CCDC30: variants seen among roughly 807,000 people sequenced by gnomAD.
CCDC30 encodes coiled-coil domain-containing protein 30.
CCDC30 carries 70 observed loss-of-function variants against 100.2 expected under a neutral mutation model. That is an observed-to-expected ratio of 0.70 (90% CI 0.58 to 0.85). The LOEUF (loss-of-function observed/expected upper bound fraction) is 0.85. Ranked by LOEUF, CCDC30 falls within the 40% of genes least tolerant of loss-of-function variation. The pLI, the probability that CCDC30 is intolerant of heterozygous loss-of-function variation, is 0.00. For missense variants in CCDC30, 652 were observed against 771.2 expected (o/e 0.85, Z 1.83); for synonymous variants, 233 against 269.5 (o/e 0.86, Z 1.33).
At chr1:42,577,292 C>A (rs1396813113) in intron 8 of CCDC30, 63 bp downstream of exon 12, 1 of 1,089,178 alleles carries the variant, frequency 9.2e-7, no homozygotes, top group East Asian at 2.5e-5. Flanking sequence ...TCTTATTTCC[C>A]TGAGGATTTT....
chr1:42,646,316 T>C (rs1647879285), exon 15 of CCDC30: 2 of 1,494,068 alleles, frequency 1.3e-6, no homozygotes, highest in Non-Finnish European at 1.8e-6. Flanking sequence ...TCTGAGCAGA[T>C]GGTAGGAGAA....
In CCDC30 at chr1:42,556,332, A is replaced by G. The variant is rs773427609; in HGVS notation, c.457-9964A>G. 25 of 1,614,046 alleles carry G rather than the reference A, an allele frequency of 1.5e-5. No homozygotes were observed. The South Asian group carries it at 2.4e-4, about 16-fold the overall frequency. ...GAGGAAATTGTGAGGCTTAGAGAAG[A>G]GCTGAGCCATATAAATCAGAGCCTT... On this transcript the variant is annotated intron_variant, in intron 6 of 16. Coordinates refer to ENST00000668663, the Ensembl canonical transcript of CCDC30.
chr1:42,533,827 A>T (rs988709637), intron 6 of CCDC30: 1 of 152,270 alleles, frequency 6.6e-6, no homozygotes, highest in Non-Finnish European at 1.5e-5. Flanking sequence ...GCATTAGGTG[A>T]TCCCCACCTT....
At chr1:42,614,489 T>A (rs1449592256) in intron 11 of CCDC30, among the ~76,000 whole-genome samples, 1 of 151,746 alleles carries the variant, frequency 6.6e-6, no homozygotes, top group Admixed American at 6.6e-5. Context: ...ACCACCCCAA[T>A]GAAGATACAG....
At chr1:42,600,923 G>A (rs12116637) in intron 10 of CCDC30, among the ~76,000 whole-genome samples, 33,000 of 151,232 alleles carry the variant, frequency 0.22, 4,570 homozygotes, top group Non-Finnish European at 0.29. Context: ...ACCTTCCGCC[G>A]TGATTGTAAG....
At chr1:42,510,191 TC>T (rs1205195183) in intron 6 of CCDC30, 4 of 808,712 alleles carry the variant, frequency 4.9e-6, no homozygotes, top group Non-Finnish European at 6.0e-6. Flanking sequence ...GAATGATGAT[TC>T]CCCTGTTTCT....
Position 42,644,813 on chromosome 1 carries a change from A to T in CCDC30, c.1671+6A>T, listed in dbSNP as rs753349479. 6.4e-7 allele frequency: 1 copy of T among 1,564,788 alleles called. No individual in the cohort carries two copies. The highest frequency in any genetic ancestry group is 2.2e-5 in the East Asian group (1 of 44,646). On this transcript the variant is annotated splice_donor_region_variant and intron_variant, in intron 14 of 16. Transcript: ENST00000668663. ...TCCATATTCGCAGAGGAGAGGTAAGATGTGTGCTTCCTATTGGGCCTGCCT... is the reference window on the plus strand; with the variant it reads ...TCCATATTCGCAGAGGAGAGGTAAGTTGTGTGCTTCCTATTGGGCCTGCCT...
chr1:42,623,492 A>G lies in CCDC30; in HGVS notation c.1277+12402A>G, dbSNP rs555679460. On this transcript the variant is annotated intron_variant, in intron 11 of 16. Transcript: ENST00000668663. Reference sequence around the variant, plus strand: ...CCCAGCACCATTTATTGAAGAGACTATCTTTTCCCTGGTGTATGTTCTTGG... The same window carrying G: ...CCCAGCACCATTTATTGAAGAGACTGTCTTTTCCCTGGTGTATGTTCTTGG... Among the ~76,000 whole-genome samples the G allele has an allele frequency of 3.9e-5, 6 of 152,280 alleles. No homozygotes were observed. The East Asian group carries it at 9.6e-4, about 24-fold the overall frequency.
chr1:42,638,927 G>A (rs1350035108), intron 12 of CCDC30, among the ~76,000 whole-genome samples: 1 of 151,810 alleles, frequency 6.6e-6, no homozygotes, highest in East Asian at 1.9e-4. Flanking sequence ...AAAAAAAAAA[G>A]TAGCAACCCT....
chr1:42,545,367 A>T (rs1260713614), intron 6 of CCDC30, 43 bp from the exon 9 acceptor site: 2 of 1,474,206 alleles, frequency 1.4e-6, no homozygotes, highest in East Asian at 4.8e-5. Context: ...CTATAAATAA[A>T]AGTATGCAAA....
chr1:42,599,725 A>T (rs767056190), intron 10 of CCDC30, among the ~76,000 whole-genome samples: 8 of 152,252 alleles, frequency 5.3e-5, no homozygotes, highest in Admixed American at 2.6e-4. Context: ...AGGATGTAAC[A>T]TGCTAACATT....
At chr1:42,466,494 A>G (rs951647168) in intron 1 of CCDC30, among the ~76,000 whole-genome samples, 2 of 152,008 alleles carry the variant, frequency 1.3e-5, no homozygotes, top group Admixed American at 6.5e-5. Flanking sequence ...AAGAGATTTA[A>G]TGAGCATTTA....
chr1:42,627,080 T>C (rs1370128389), intron 11 of CCDC30, among the ~76,000 whole-genome samples: 1 of 152,200 alleles, frequency 6.6e-6, no homozygotes, highest in Admixed American at 6.5e-5. Flanking sequence ...CCTAGAGATT[T>C]GTTGAATGGC....
intron 2 of CCDC30, among the ~76,000 whole-genome samples, chr1:42,481,258 C>T (rs1030597898): frequency 6.6e-6 from 1 of 152,074 alleles, no homozygotes; most frequent in Admixed American, 6.5e-5. Context: ...TTTAAACAAT[C>T]TATGTTATGT....
chr1:42,482,020 C>T (rs1643967805), intron 2 of CCDC30, among the ~76,000 whole-genome samples: 1 of 152,048 alleles, frequency 6.6e-6, no homozygotes, highest in Non-Finnish European at 1.5e-5. Flanking sequence ...AGTTCGAGAC[C>T]AGCTTGGCCA....
intron 6 of CCDC30, among the ~76,000 whole-genome samples, chr1:42,523,323 TTC>T (rs1644676367): frequency 6.6e-6 from 1 of 152,186 alleles, no homozygotes; most frequent in Admixed American, 6.5e-5. Flanking sequence ...ATGTCTTAAA[TTC>T]TGTCTCATTT....
intron 1 of CCDC30, among the ~76,000 whole-genome samples, chr1:42,471,853 G>A (rs1042523391): frequency 1.3e-5 from 2 of 151,398 alleles, no homozygotes; most frequent in African/African-American, 4.9e-5. Context: ...AGAAAACTTA[G>A]CAATCAAGGA....
At chr1:42,607,693 A>T (rs952008677) in intron 10 of CCDC30, among the ~76,000 whole-genome samples, 1 of 152,152 alleles carries the variant, frequency 6.6e-6, no homozygotes, top group Non-Finnish European at 1.5e-5. Flanking sequence ...TTAGTAAGGA[A>T]AATCAGTGAA....
intron 6 of CCDC30, among the ~76,000 whole-genome samples, chr1:42,514,772 C>G (rs1569874640): frequency 6.6e-6 from 1 of 152,034 alleles, no homozygotes; most frequent in Admixed American, 6.6e-5. Context: ...TCCTGCCTCA[C>G]CCTCCCAAGT....
Sources: gnomAD v4.1 joint callset for allele counts (sites outside exome capture counted in the v4.1 genomes callset) on GRCh38, gnomAD v4.1.1 for gene constraint, MANE v1.5 for transcripts, NCBI Gene and HGNC (gene_info 2026-07-23, HGNC 2026-07-21) for gene names.